Variants in PLEKHG5 observed in about 807,000 individuals in gnomAD.
The protein encoded by PLEKHG5 is pleckstrin homology domain-containing family G member 5.
PLEKHG5 carries 52 observed loss-of-function variants against 103.8 expected under a neutral mutation model. The observed-to-expected ratio is 0.50, with a 90% confidence interval of 0.40 to 0.63. The LOEUF is 0.63. Among genes scored for constraint, PLEKHG5 ranks in the 30% least tolerant of loss-of-function variants. The probability of loss-of-function intolerance (pLI) is 0.00; values close to 1 mark genes in which losing one functional copy is unlikely to be tolerated. For missense variants in PLEKHG5, 1,205 were observed against 1,347.6 expected (o/e 0.89, Z 1.66); for synonymous variants, 592 against 575.5 (o/e 1.03, Z -0.41).
chr1:6,498,817 A>G (rs1645264026), upstream of PLEKHG5, among the ~76,000 whole-genome samples: 1 of 152,182 alleles, frequency 6.6e-6, no homozygotes, highest in East Asian at 1.9e-4. Flanking sequence ...GCTCTCAGCC[A>G]TCCAAGGGGC....
At chr1:6,513,644 C>T (rs577929116) in intron 1 of PLEKHG5, among the ~76,000 whole-genome samples, 7 of 152,326 alleles carry the variant, frequency 4.6e-5, no homozygotes, top group Non-Finnish European at 8.8e-5. Flanking sequence ...CCAAGTCTGT[C>T]CAAGGAACAA....
chr1:6,516,554 G>A (rs1638619342), intron 1 of PLEKHG5, among the ~76,000 whole-genome samples: 1 of 152,082 alleles, frequency 6.6e-6, no homozygotes, highest in East Asian at 1.9e-4. Flanking sequence ...CTACTGGGGA[G>A]GCTGAGGCAG....
intron 1 of PLEKHG5, among the ~76,000 whole-genome samples, chr1:6,488,067 G>C (rs1645073825): frequency 1.3e-5 from 2 of 152,248 alleles, no homozygotes; most frequent in Admixed American, 6.5e-5. Flanking sequence ...CCTTGGGCCT[G>C]CTGGCCCTGG....
chr1:6,469,527 G>T lies in PLEKHG5; in HGVS notation c.1933+17C>A. The T allele has an allele frequency of 6.2e-7, 1 of 1,613,870 alleles. No homozygotes were observed. The highest frequency in any genetic ancestry group is 8.5e-7 in the Non-Finnish European group (1 of 1,180,046). Reference sequence around the variant, plus strand: ...ATCACAGCCCCTGACCAGGAACAGGGGACCAGGGCTCCTTACCAGGGTCCC... The same window carrying T: ...ATCACAGCCCCTGACCAGGAACAGGTGACCAGGGCTCCTTACCAGGGTCCC... On this transcript the variant is annotated intron_variant, in intron 17 of 20. Coordinates refer to ENST00000377728, the MANE Select transcript of PLEKHG5 (RefSeq NM_020631.6).
intron 1 of PLEKHG5, among the ~76,000 whole-genome samples, chr1:6,502,888 C>T (rs1426572978): frequency 3.9e-5 from 6 of 152,210 alleles, no homozygotes; most frequent in East Asian, 3.9e-4. Flanking sequence ...GTGACCCAGC[C>T]GCTGTGTGCA....
chr1:6,495,330 G>A (rs1393085445), upstream of PLEKHG5, among the ~76,000 whole-genome samples: 3 of 147,544 alleles, frequency 2.0e-5, no homozygotes, highest in African/African-American at 4.9e-5. Flanking sequence ...CCCCCTCCCC[G>A]CCCCGCCCCA....
chr1:6,494,306 T>G (rs1475260176), upstream of PLEKHG5, among the ~76,000 whole-genome samples: 3 of 151,090 alleles, frequency 2.0e-5, no homozygotes, highest in Non-Finnish European at 4.4e-5. Flanking sequence ...AATTTTTATA[T>G]TTATAGTAGA....
chr1:6,471,454 C>T (rs1356837813), intron 12 of PLEKHG5, 34 bp downstream of exon 12: 5 of 1,598,296 alleles, frequency 3.1e-6, no homozygotes, highest in Non-Finnish European at 4.3e-6. Context: ...AGCCCTGCCT[C>T]AGTGCCCCCG....
rs903679285 is a variant in PLEKHG5 at position 6,505,331 on chromosome 1, G to A, written c.-164-8762C>T. On this transcript the variant is annotated intron_variant, in intron 1 of 21. Coordinates refer to the PLEKHG5 transcript ENST00000377740. This position sits in a 1 kb window ranked among gnomAD's most constrained non-coding sequence, Gnocchi z 4.2. ...ACGGTGCCGACCAGCTGAGCTGAGC[G>A]GACAGAATGGGCATCCGACAGCCAG... 1.3e-5 allele frequency among the ~76,000 whole-genome samples: 2 copies of A among 151,972 alleles called. No homozygotes were observed. Among genetic ancestry groups the A allele is most frequent in the African/African-American group, 4.8e-5 (2 of 41,352 alleles).
intron 1 of PLEKHG5, among the ~76,000 whole-genome samples, chr1:6,508,185 G>GGGT (rs386366134): frequency 6.6e-6 from 1 of 151,590 alleles, no homozygotes. Flanking sequence ...CGGTCACCTG[G>GGGT]GGCCCCACTC....
chr1:6,511,553 G>A (rs937377105), intron 1 of PLEKHG5, among the ~76,000 whole-genome samples: 8 of 152,220 alleles, frequency 5.3e-5, no homozygotes, highest in Admixed American at 1.3e-4. Flanking sequence ...AGACAGGAGG[G>A]ATCCGAGAGG....
Position 6,472,528 on chromosome 1 carries a change from T to C in PLEKHG5, c.1079A>G (p.Asn360Ser), listed in dbSNP as rs1354311748. 6.2e-7 allele frequency: 1 copy of C among 1,608,428 alleles called. No homozygotes were observed. The highest frequency in any genetic ancestry group is 1.1e-5 in the South Asian group (1 of 90,928). Residue 360 changes from asparagine (N) to serine (S), a missense_variant and splice_region_variant, in exon 10 of 21, where the codon AAC becomes AGC. Transcript: ENST00000377728. ...GGGACCAGCGCAGCCCCTACTCACG[T>C]TGATGATCACCCGCAGTTTCCTGAT... The part of the protein sequence containing the change: ...SYIRKLRVII[N>S]LFLCCLLNLQ...
chr1:6,481,087 A>T (rs958718969), intron 1 of PLEKHG5, among the ~76,000 whole-genome samples: 1 of 152,200 alleles, frequency 6.6e-6, no homozygotes, highest in Non-Finnish European at 1.5e-5. Flanking sequence ...CCTTTTAGCT[A>T]GATGACAACA....
intron 9 of PLEKHG5, 72 bp from the exon 10 acceptor site, chr1:6,472,694 CT>C: frequency 9.6e-7 from 1 of 1,046,870 alleles, no homozygotes; most frequent in Non-Finnish European, 1.5e-6. Context: ...GATAAGCAAC[CT>C]GCATGCAACT....
intron 2 of PLEKHG5, among the ~76,000 whole-genome samples, chr1:6,476,741 GGA>G (rs1366331344): frequency 1.3e-5 from 2 of 152,088 alleles, no homozygotes; most frequent in Admixed American, 6.6e-5. Context: ...CCTGGCAGTG[GGA>G]GAGAGTCTTT....
chr1:6,502,323 T>C (rs1034134398), intron 1 of PLEKHG5, among the ~76,000 whole-genome samples: 2 of 152,216 alleles, frequency 1.3e-5, no homozygotes, highest in Non-Finnish European at 2.9e-5. Context: ...GTCAGTGAAG[T>C]AGGGACCCAG....
In PLEKHG5 at chr1:6,467,833, G is replaced by A. The variant is rs1644431349; in HGVS notation, c.3003C>T (p.Leu1001=). ...CAGTCCAGGCCACTCACGAGGCAGT[G>A]AGCGTGGAGTTAAGCAGCAGGGTGG... is the stretch of plus-strand genomic sequence containing the variant. ...IRTTLLLNST[L]TASEV Residue 1001 remains leucine, a synonymous_variant, in exon 20 of 21, where the codon CTC becomes CTT. Coordinates refer to ENST00000377728, the MANE Select transcript of PLEKHG5 (RefSeq NM_020631.6). 1.2e-6 allele frequency: 2 copies of A among 1,613,146 alleles called. No individual in the cohort carries two copies. The highest frequency in any genetic ancestry group is 1.7e-4 in the Middle Eastern group (1 of 5,816).
chr1:6,468,664 G>A lies in PLEKHG5; in HGVS notation c.2250-78C>T, dbSNP rs558780656. ...GGCAGCCCCAGGCTGGGCAATGCACGGTGGTTTATACCCTCTGCCCTCCTG... is the reference window on the plus strand; with the variant it reads ...GGCAGCCCCAGGCTGGGCAATGCACAGTGGTTTATACCCTCTGCCCTCCTG... On this transcript the variant is annotated intron_variant, in intron 19 of 20. Coordinates refer to ENST00000377728, the MANE Select transcript of PLEKHG5 (RefSeq NM_020631.6). 1,035 of 1,499,224 alleles carry A rather than the reference G, an allele frequency of 6.9e-4. 2 individuals are homozygous for A. Among genetic ancestry groups the A allele is most frequent in the Admixed American group, 1.5e-3 (86 of 59,194 alleles). 92.9% of individuals were successfully genotyped at this position (1,499,224 alleles called of 1,614,324 possible).
In PLEKHG5 at chr1:6,469,181, G is replaced by A; in HGVS notation, c.2110C>T (p.Leu704=). 6.2e-7 allele frequency: 1 copy of A among 1,612,448 alleles called. No individual in the cohort carries two copies. Among genetic ancestry groups the A allele is most frequent in the Non-Finnish European group, 8.5e-7 (1 of 1,179,870 alleles). ...TCCTGCTCATCCTCCTCCTCTTCCA[G>A]GCTCTGCAGGGGCTGCTGACTGCCT... The part of the protein sequence containing the change: ...PPGSQQPLQS[L]EEEEDEQEEE... The change falls in exon 19 of 21, where the codon CTG becomes TTG. Residue 704 remains leucine, a synonymous_variant. Coordinates refer to ENST00000377728, the MANE Select transcript of PLEKHG5 (RefSeq NM_020631.6).
Sources: allele counts gnomAD v4.1 joint callset (sites outside exome capture counted in the v4.1 genomes callset), GRCh38; gene constraint gnomAD v4.1.1; non-coding constraint Gnocchi (gnomAD v3.1); transcripts MANE v1.5; gene names NCBI Gene and HGNC (gene_info 2026-07-23, HGNC 2026-07-21).